Variants in CDKL5 observed in about 807,000 individuals in gnomAD.
CDKL5 encodes cyclin dependent kinase like 5, also known as cyclin-dependent kinase-like 5.
A neutral mutation model predicts 61.7 loss-of-function variants in CDKL5; 8 were observed. The observed-to-expected ratio is 0.13, with a 90% CI of 0.08 to 0.23. The LOEUF is 0.23. Among genes scored for constraint, CDKL5 ranks in the 10% least tolerant of loss-of-function variants. The pLI is 1.00. For missense variants in CDKL5, 440 were observed against 734.5 expected (o/e 0.60, Z 4.63); for synonymous variants, 275 against 272.3 (o/e 1.01, Z -0.10).
chrX:18,630,079 C>T lies in CDKL5; in HGVS notation c.*1322C>T. ...TTTTTTGCTATTGCTCTCTCCAATA[C>T]CATATTTAAAAGGCTCCTGGAGCAA... On this transcript the variant is annotated 3_prime_UTR_variant, in exon 18 of 18. Coordinates refer to ENST00000623535, the MANE Select transcript of CDKL5 (RefSeq NM_001323289.2). 2.5e-5 allele frequency: 19 copies of T among 753,167 alleles called. No individual in the cohort carries two copies. Among genetic ancestry groups the T allele is most frequent in the Non-Finnish European group, 3.0e-5 (19 of 638,503 alleles). The allele number at this position is 753,167 out of a possible 1,213,427, so 62.1% of individuals were successfully genotyped here. A position where few individuals can be genotyped will look rare whatever the true frequency, so the allele number is the denominator to read the frequency against.
chrX:18,653,448 G>A lies in CDKL5; in HGVS notation c.2997G>A (p.Val999=), dbSNP rs763292733. 4 of 1,209,553 alleles carry A rather than the reference G, an allele frequency of 3.3e-6. No homozygotes were observed. Among genetic ancestry groups the A allele is most frequent in the African/African-American group, 1.8e-5 (1 of 57,087 alleles). ...GCTTTCCAGGGTTCTCTTTCTTCGT[G>A]AGACACGTTATGAGGGAAGCCCTGA... The change falls in exon 22 of 22, where the codon GTG becomes GTA. Residue 999 remains valine, a synonymous_variant. Transcript: ENST00000379989.
chrX:18,592,088 C>A (rs1447848707), intron 9 of CDKL5, among the ~76,000 whole-genome samples: 6 of 112,271 alleles, frequency 5.3e-5, no homozygotes, highest in Non-Finnish European at 1.1e-4. Flanking sequence ...GGTTTGCTGG[C>A]TGACTTGTTC....
intron 1 of CDKL5, among the ~76,000 whole-genome samples, chrX:18,457,085 T>C (rs533414709): frequency 9.1e-6 from 1 of 109,789 alleles, no homozygotes; most frequent in South Asian, 3.9e-4. Context: ...TATATAGTTT[T>C]CTAAGTAGTA....
intron 1 of CDKL5, among the ~76,000 whole-genome samples, chrX:18,505,328 A>G (rs902579963): frequency 8.9e-6 from 1 of 111,994 alleles, no homozygotes. Context: ...GTTTTATATA[A>G]CCGAAGTACT....
At chrX:18,615,307 C>T (rs1926682267) in intron 15 of CDKL5, among the ~76,000 whole-genome samples, 1 of 112,098 alleles carries the variant, frequency 8.9e-6, no homozygotes, top group Admixed American at 9.4e-5. Flanking sequence ...TTTTCTTGAA[C>T]AAGCTCTCGA....
chrX:18,585,202 C>G (rs1055463364), intron 8 of CDKL5, among the ~76,000 whole-genome samples: 1 of 110,604 alleles, frequency 9.0e-6, no homozygotes, highest in Admixed American at 9.6e-5. Flanking sequence ...AAGACCAGCC[C>G]GGGCAACATG....
intron 1 of CDKL5, among the ~76,000 whole-genome samples, chrX:18,467,828 G>A (rs949437187): frequency 4.5e-5 from 5 of 112,040 alleles, no homozygotes; most frequent in African/African-American, 1.6e-4. Flanking sequence ...AGCAAAAGCT[G>A]TAATTGTAAT....
chrX:18,588,829 G>C (rs1925727019), intron 9 of CDKL5: 1 of 108,880 alleles, frequency 9.2e-6, no homozygotes, highest in Non-Finnish European at 1.9e-5. Context: ...CAGGAGAATT[G>C]CTTGAACCCA....
At chrX:18,509,189 C>T (rs1156419025) in intron 2 of CDKL5, among the ~76,000 whole-genome samples, 1 of 64,616 alleles carries the variant, frequency 1.5e-5, no homozygotes, top group African/African-American at 6.3e-5. Flanking sequence ...GAGACTGTCT[C>T]AAAACACGCA....
intron 3 of CDKL5, among the ~76,000 whole-genome samples, chrX:18,529,618 A>AC (rs1923570786): frequency 9.0e-6 from 1 of 110,538 alleles, no homozygotes; most frequent in Admixed American, 9.6e-5. Context: ...GGATCATTTC[A>AC]CTGAGTAACT....
At chrX:18,543,250 C>T (rs1447390209) in intron 3 of CDKL5, among the ~76,000 whole-genome samples, 1 of 110,147 alleles carries the variant, frequency 9.1e-6, no homozygotes. Flanking sequence ...AGTTGTTAGC[C>T]TACCCTTTTC....
In CDKL5 at chrX:18,633,640, G is replaced by T; in HGVS notation, c.*4883G>T. 2 of 754,114 alleles carry T rather than the reference G, an allele frequency of 2.7e-6. No individual in the cohort carries two copies. The highest frequency in any genetic ancestry group is 3.1e-6 in the Non-Finnish European group (2 of 639,115). The allele number at this position is 754,114 out of a possible 1,213,427, so 62.1% of individuals were successfully genotyped here. ...AAGTCCCTCATCTATCTGCATACAC[G>T]CAATGTGGGAGAAGTGGGGTGGCTA... On this transcript the variant is annotated 3_prime_UTR_variant, in exon 18 of 18. Transcript: ENST00000623535.
chrX:18,447,389 C>T (rs1289371507), intron 1 of CDKL5, among the ~76,000 whole-genome samples: 4 of 111,638 alleles, frequency 3.6e-5, no homozygotes, highest in East Asian at 5.6e-4. Context: ...CCTAACTTCT[C>T]CCCTTCTCAC....
At position 18,584,009 on chromosome X, in the gene CDKL5, T is replaced by C. The variant is rs1221444229; in HGVS notation, c.464-254T>C. ...ATAATTATAAAAGCATGGGATGACTTCGAAAACCCGGTTTTCTTTAGCATA... is the reference window on the plus strand; with the variant it reads ...ATAATTATAAAAGCATGGGATGACTCCGAAAACCCGGTTTTCTTTAGCATA... On this transcript the variant is annotated intron_variant, in intron 7 of 17. Coordinates refer to ENST00000623535, the MANE Select transcript of CDKL5 (RefSeq NM_001323289.2). 3.3e-4 allele frequency among the ~76,000 whole-genome samples: 37 copies of C among 111,949 alleles called. 1 individual carries two copies.
intron 3 of CDKL5, among the ~76,000 whole-genome samples, chrX:18,534,425 A>G (rs1358327170): frequency 9.0e-6 from 1 of 111,577 alleles, no homozygotes; most frequent in African/African-American, 3.3e-5. Context: ...TTCCTTTCTG[A>G]ATGGTAGGTA....
intron 17 of CDKL5, 109 bp downstream of exon 17, chrX:18,625,356 C>A: frequency 1.2e-6 from 1 of 840,209 alleles, no homozygotes; most frequent in Non-Finnish European, 1.8e-6. Context: ...TACAGTAAGG[C>A]TGAGCACCTC....
chrX:18,551,347 A>G (rs1285796672), intron 3 of CDKL5, among the ~76,000 whole-genome samples: 1 of 109,523 alleles, frequency 9.1e-6, no homozygotes, highest in Admixed American at 9.9e-5. Context: ...CTTTGGCATT[A>G]TCAGCCAGCG....
intron 16 of CDKL5, chrX:18,623,894 G>A (rs1926963380): frequency 8.1e-6 from 6 of 740,699 alleles, no homozygotes; most frequent in South Asian, 6.9e-5. Flanking sequence ...TTCCACCAAC[G>A]GGGAGAATCC....
Position 18,584,357 on chromosome X carries a change from AGTTACC to A in CDKL5, c.554+7_554+12del. ...GGTCCCCAGAACTCTTACTTGGGTGAGTTACCGTCCCAAAATAGAATGACATTTCCA... is the reference window on the plus strand; with the variant it reads ...GGTCCCCAGAACTCTTACTTGGGTGAGTCCCAAAATAGAATGACATTTCCA... On this transcript the variant is annotated splice_donor_5th_base_variant and intron_variant, in intron 8 of 17. Coordinates refer to ENST00000623535, the MANE Select transcript of CDKL5 (RefSeq NM_001323289.2). 8.9e-7 allele frequency: 1 copy of A among 1,122,732 alleles called. No individual in the cohort carries two copies. Among genetic ancestry groups the A allele is most frequent in the Non-Finnish European group, 1.2e-6 (1 of 814,097 alleles). The allele number at this position is 1,122,732 out of a possible 1,213,427, so 92.5% of individuals were successfully genotyped here.
Sources: allele counts gnomAD v4.1 joint callset (sites outside exome capture counted in the v4.1 genomes callset), GRCh38; gene constraint gnomAD v4.1.1; transcripts MANE v1.5; gene names NCBI Gene and HGNC (gene_info 2026-07-23, HGNC 2026-07-21).